CPNE4: variants seen among roughly 807,000 people sequenced by gnomAD.
CPNE4 encodes copine 4, also known as copine-4.
Under a neutral mutation model 67.9 loss-of-function variants are expected in CPNE4, and 25 were observed. That is an observed-to-expected ratio of 0.37 (90% CI 0.27 to 0.51). The LOEUF (loss-of-function observed/expected upper bound fraction) is 0.51. Among genes scored for constraint, CPNE4 ranks in the 20% least tolerant of loss-of-function variants. CPNE4 has a pLI of 0.93. For missense variants in CPNE4, 464 were observed against 690.8 expected, an observed-to-expected ratio of 0.67 and a Z score of 3.68; for synonymous variants, 242 against 244.9, an observed-to-expected ratio of 0.99 and a Z score of 0.11.
chr3:131,576,503 A>G (rs886916245), intron 9 of CPNE4, among the ~76,000 whole-genome samples: 2 of 152,162 alleles, frequency 1.3e-5, no homozygotes, highest in Non-Finnish European at 2.9e-5. Flanking sequence ...GGATAGTCAC[A>G]TAACTGTTTA....
At chr3:131,894,302 C>T (rs569182984) in intron 2 of CPNE4, among the ~76,000 whole-genome samples, 2 of 151,932 alleles carry the variant, frequency 1.3e-5, no homozygotes, top group South Asian at 2.1e-4. Context: ...GAATTAATAC[C>T]AATTCTCCTC....
chr3:131,978,231 A>ATATATATTTATATAT (rs2072750431), intron 1 of CPNE4, among the ~76,000 whole-genome samples: 2 of 14,864 alleles, frequency 1.3e-4, no homozygotes, highest in African/African-American at 6.1e-4. Context: ...AAATTTACAT[A>ATATATATTTATATAT]TTTATATATA....
intron 5 of CPNE4, among the ~76,000 whole-genome samples, chr3:131,695,287 A>G (rs2081125287): frequency 1.3e-5 from 2 of 152,176 alleles, no homozygotes; most frequent in Non-Finnish European, 2.9e-5. Flanking sequence ...CAGTACAGCC[A>G]ATGGTGGGAA....
chr3:131,871,776 T>C (rs2107694805), intron 2 of CPNE4, among the ~76,000 whole-genome samples: 1 of 152,306 alleles, frequency 6.6e-6, no homozygotes, highest in Non-Finnish European at 1.5e-5. Context: ...TAGATATAAA[T>C]CCACCTATTA....
intron 2 of CPNE4, among the ~76,000 whole-genome samples, chr3:131,811,319 T>C (rs2084518135): frequency 6.6e-6 from 1 of 152,078 alleles, no homozygotes; most frequent in African/African-American, 2.4e-5. Flanking sequence ...ACTCATGGAA[T>C]TGTATACTTT....
At chr3:131,588,546 C>A (rs1261327777) in intron 7 of CPNE4, among the ~76,000 whole-genome samples, 2 of 152,144 alleles carry the variant, frequency 1.3e-5, no homozygotes, top group South Asian at 4.1e-4. Flanking sequence ...TTCTTCAGGG[C>A]GCAGATCCCA....
intron 2 of CPNE4, among the ~76,000 whole-genome samples, chr3:131,746,032 ATTTAC>A (rs1003380110): frequency 1.1e-4 from 16 of 152,002 alleles, no homozygotes; most frequent in Non-Finnish European, 4.4e-5. Flanking sequence ...ATGTGTCTCT[ATTTAC>A]TTAGATCTTC....
chr3:131,841,293 A>C (rs1258406387), intron 2 of CPNE4, among the ~76,000 whole-genome samples: 1 of 152,162 alleles, frequency 6.6e-6, no homozygotes. Context: ...GAGCACAGAG[A>C]ATTTAGATGT....
At chr3:132,018,329 A>G (rs1421078119) in intron 1 of CPNE4, among the ~76,000 whole-genome samples, 4 of 152,174 alleles carry the variant, frequency 2.6e-5, no homozygotes, top group Non-Finnish European at 2.9e-5. Flanking sequence ...CATAGTTTTT[A>G]GCAGTTTCTC....
chr3:131,555,204 G>T (rs1936396462), intron 12 of CPNE4, among the ~76,000 whole-genome samples: 3 of 152,008 alleles, frequency 2.0e-5, no homozygotes, highest in African/African-American at 7.2e-5. Flanking sequence ...AGCCCCTGGA[G>T]ATCAACTTCT....
intron 1 of CPNE4, among the ~76,000 whole-genome samples, chr3:132,027,553 G>A (rs899112789): frequency 6.6e-5 from 10 of 151,898 alleles, no homozygotes; most frequent in African/African-American, 1.7e-4. Context: ...GTCACAGGAC[G>A]TAAAGGCCAC....
intron 2 of CPNE4, among the ~76,000 whole-genome samples, chr3:131,867,579 C>A (rs2087009313): frequency 6.6e-6 from 1 of 152,044 alleles, no homozygotes; most frequent in African/African-American, 2.4e-5. Context: ...AATGCCAGTC[C>A]CTTGTGTTCT....
Position 131,868,318 on chromosome 3 carries a change from C to T in CPNE4, c.180+36946G>A, listed in dbSNP as rs76304191. Among the ~76,000 whole-genome samples, 9 of 152,272 alleles carry T rather than the reference C, an allele frequency of 5.9e-5. No homozygotes were observed. The East Asian group carries it at 1.7e-3, about 29-fold the overall frequency. On this transcript the variant is annotated intron_variant, in intron 2 of 15. Transcript: ENST00000429747. ...CACCGTTACAATTTTCAGAAAGGCC[C>T]TTAAAGAGAGGCAGGCATGCATATC...
intron 6 of CPNE4, among the ~76,000 whole-genome samples, chr3:131,679,729 T>G (rs2107670899): frequency 6.6e-6 from 1 of 152,286 alleles, no homozygotes; most frequent in Middle Eastern, 3.4e-3. Context: ...TTTATGTAAT[T>G]GTATGGTTTT....
intron 2 of CPNE4, among the ~76,000 whole-genome samples, chr3:131,726,002 T>A (rs777054206): frequency 3.3e-5 from 5 of 152,340 alleles, no homozygotes; most frequent in East Asian, 1.9e-4. Flanking sequence ...GATTTAATTA[T>A]ATTTATATTG....
chr3:131,708,174 T>C (rs11714892), intron 3 of CPNE4, among the ~76,000 whole-genome samples: 1 of 151,874 alleles, frequency 6.6e-6, no homozygotes, highest in Non-Finnish European at 1.5e-5. Context: ...TCATGACTGA[T>C]TGATGGGCTG....
At chr3:131,861,650 C>G (rs2086692203) in intron 2 of CPNE4, among the ~76,000 whole-genome samples, 1 of 152,096 alleles carries the variant, frequency 6.6e-6, no homozygotes, top group African/African-American at 2.4e-5. Flanking sequence ...CCAGGCTGGT[C>G]TCGAACTCCT....
intron 7 of CPNE4, among the ~76,000 whole-genome samples, chr3:131,616,023 T>C (rs953388864): frequency 1.3e-5 from 2 of 151,904 alleles, no homozygotes; most frequent in East Asian, 3.9e-4. Flanking sequence ...CTTGCTATAA[T>C]GGTATCTCAT....
chr3:131,728,560 AT>A (rs1382920093), intron 2 of CPNE4, among the ~76,000 whole-genome samples: 1 of 152,078 alleles, frequency 6.6e-6, no homozygotes, highest in Non-Finnish European at 1.5e-5. Flanking sequence ...TGGAGATCTG[AT>A]TTATCCACTG....
Sources: gnomAD v4.1 joint callset for allele counts (sites outside exome capture counted in the v4.1 genomes callset) on GRCh38, gnomAD v4.1.1 for gene constraint, MANE v1.5 for transcripts, NCBI Gene and HGNC (gene_info 2026-07-23, HGNC 2026-07-21) for gene names.